Variants in DNAAF11 observed in about 807,000 individuals in gnomAD.
DNAAF11 encodes the protein leucine rich repeat containing 6.
In DNAAF11, 45 loss-of-function variants were observed where a neutral mutation model predicts 60.8. That is an observed-to-expected ratio of 0.74 (90% CI 0.58 to 0.95). The LOEUF (loss-of-function observed/expected upper bound fraction) is 0.95. Among genes scored for constraint, DNAAF11 ranks in the 40% least tolerant of loss-of-function variants. The probability of loss-of-function intolerance (pLI) is 0.00; values close to 1 mark genes in which losing one functional copy is unlikely to be tolerated. For synonymous variants in DNAAF11, 191 were observed against 183.5 expected (o/e 1.04, Z -0.33); for missense variants, 546 against 546.2 (o/e 1.00, Z 0.00).
rs543598783 is a variant in DNAAF11 at position 132,607,245 on chromosome 8, T to C, written c.1140+2921A>G. The stretch of plus-strand genomic sequence containing the variant: ...ACTACTTCACTTGCCACTTCTAGCC[T>C]AGACAGTGACCCTTGTTAAAACGGT... On this transcript the variant is annotated intron_variant, in intron 10 of 11. Transcript: ENST00000620350. Among the ~76,000 whole-genome samples, 5 of 152,322 alleles carry C rather than the reference T, an allele frequency of 3.3e-5. No individual in the cohort carries two copies. In the South Asian group the frequency reaches 1.0e-3, roughly 32 times the overall value.
rs927555099 is a variant in DNAAF11 at position 132,639,436 on chromosome 8, T to C, written c.257-1329A>G. On this transcript the variant is annotated intron_variant, in intron 3 of 11. Transcript: ENST00000620350. ...ACACCCTTCCATTATCATTTCTTAT[T>C]ATATACTTTTTTGTAATTTTTCTGT... is the stretch of plus-strand genomic sequence containing the variant. Among the ~76,000 whole-genome samples, 14 of 152,192 alleles carry C rather than the reference T, an allele frequency of 9.2e-5. 1 individual carries two copies. Among genetic ancestry groups the C allele is most frequent in the African/African-American group, 3.4e-4 (14 of 41,448 alleles).
intron 10 of DNAAF11, among the ~76,000 whole-genome samples, chr8:132,603,210 G>C (rs1275899805): frequency 6.6e-6 from 1 of 152,134 alleles, no homozygotes; most frequent in Non-Finnish European, 1.5e-5. Context: ...TGTGATTGTT[G>C]TTCCTTGTGA....
At chr8:132,630,347 T>C (rs963398427) in intron 5 of DNAAF11, among the ~76,000 whole-genome samples, 1 of 152,136 alleles carries the variant, frequency 6.6e-6, no homozygotes, top group Non-Finnish European at 1.5e-5. Context: ...AGGGTAGCAT[T>C]TCAGATCAGT....
chr8:132,646,056 T>C (rs533087138), intron 3 of DNAAF11, among the ~76,000 whole-genome samples: 70 of 152,084 alleles, frequency 4.6e-4, no homozygotes, highest in Non-Finnish European at 9.0e-4. Flanking sequence ...AAAGTAGAAA[T>C]GAAGGAAAAA....
At chr8:132,613,373 G>A (rs535472606) in intron 8 of DNAAF11, among the ~76,000 whole-genome samples, 67 of 152,312 alleles carry the variant, frequency 4.4e-4, no homozygotes, top group African/African-American at 1.5e-3. Context: ...ATTCTGACAC[G>A]TGCAACAACA....
chr8:132,635,051 T>C (rs1309902619), intron 4 of DNAAF11, among the ~76,000 whole-genome samples: 2 of 152,194 alleles, frequency 1.3e-5, no homozygotes, highest in Non-Finnish European at 2.9e-5. Context: ...GTCACTTTAC[T>C]GACAGGAGGC....
At chr8:132,622,750 A>C (rs760398193) in intron 6 of DNAAF11, 62 bp from the exon 7 acceptor site, 55 of 1,141,248 alleles carry the variant, frequency 4.8e-5, no homozygotes, top group Non-Finnish European at 6.4e-5. Context: ...AGCAAAGAGA[A>C]TATAAAAGCA....
chr8:132,598,328 C>T (rs186957634), intron 10 of DNAAF11, among the ~76,000 whole-genome samples: 1 of 152,250 alleles, frequency 6.6e-6, no homozygotes, highest in East Asian at 1.9e-4. Context: ...TATGACATGA[C>T]ACATCTATTT....
chr8:132,578,570 A>C, intron 11 of DNAAF11: 1 of 1,004,320 alleles, frequency 1.0e-6, no homozygotes, highest in South Asian at 1.4e-5. Context: ...AGAAAAAAGA[A>C]AATGCCTAAA....
chr8:132,702,762 C>A, the DNAAF11 span, among the ~76,000 whole-genome samples: 3 of 152,090 alleles, frequency 2.0e-5, no homozygotes. Flanking sequence ...AACGTGAAAT[C>A]GCTTGTCCAA....
intron 8 of DNAAF11, among the ~76,000 whole-genome samples, chr8:132,613,267 T>A (rs749313233): frequency 2.0e-5 from 3 of 152,062 alleles, no homozygotes; most frequent in Admixed American, 6.5e-5. Context: ...AGAGCCAAGG[T>A]GGAAACAACC....
intron 5 of DNAAF11, 32 bp from the exon 6 acceptor site, chr8:132,625,486 A>G: frequency 6.6e-7 from 1 of 1,519,010 alleles, no homozygotes; most frequent in Non-Finnish European, 9.0e-7. Context: ...CTTAAAAACA[A>G]TAATGGATTC....
the DNAAF11 span, among the ~76,000 whole-genome samples, chr8:132,680,986 G>T: frequency 8.6e-6 from 1 of 116,898 alleles, no homozygotes; most frequent in African/African-American, 3.4e-5. Context: ...AATTAGTTTT[G>T]CACCCAATAA....
chr8:132,628,086 G>A (rs1820453198), intron 5 of DNAAF11, among the ~76,000 whole-genome samples: 1 of 152,070 alleles, frequency 6.6e-6, no homozygotes, highest in Non-Finnish European at 1.5e-5. Flanking sequence ...CTCAAACCCA[G>A]CCCCTTCTAC....
chr8:132,674,184 G>GAGGAGGAGGAGA (rs1445369972), intron 1 of DNAAF11, among the ~76,000 whole-genome samples: 5 of 146,650 alleles, frequency 3.4e-5, no homozygotes, highest in African/African-American at 5.3e-5. Flanking sequence ...GGAGGAGAAG[G>GAGGAGGAGGAGA]AGGAGGAGGA....
upstream of DNAAF11, among the ~76,000 whole-genome samples, chr8:132,677,023 A>G (rs575386206): frequency 3.3e-5 from 5 of 152,346 alleles, no homozygotes; most frequent in South Asian, 2.1e-4. Flanking sequence ...ACTGTGTGGC[A>G]TCAGACAGAT....
At chr8:132,685,071 T>C in the DNAAF11 span, 1 of 152,220 alleles carries the variant, frequency 6.6e-6, no homozygotes. Context: ...TTTCTGGTAC[T>C]TCGTAGCAGA....
At chr8:132,613,301 G>C (rs949988431) in intron 8 of DNAAF11, among the ~76,000 whole-genome samples, 1 of 152,138 alleles carries the variant, frequency 6.6e-6, no homozygotes, top group African/African-American at 2.4e-5. Context: ...TCTGGTGAAC[G>C]GATAAACAAA....
At chr8:132,637,343 T>C (rs1368119722) in intron 4 of DNAAF11, among the ~76,000 whole-genome samples, 1 of 152,200 alleles carries the variant, frequency 6.6e-6, no homozygotes, top group Non-Finnish European at 1.5e-5. Flanking sequence ...CGGTGGCTCA[T>C]GCCTGTAATC....
Sources: gnomAD v4.1 joint callset for allele counts (sites outside exome capture counted in the v4.1 genomes callset) on GRCh38, gnomAD v4.1.1 for gene constraint, MANE v1.5 for transcripts, NCBI Gene and HGNC (gene_info 2026-07-23, HGNC 2026-07-21) for gene names.